Variants in PCDHA4 observed in about 807,000 individuals in gnomAD.
PCDHA4 encodes the protein protocadherin alpha 4, also known as protocadherin alpha-4.
A neutral mutation model predicts 61.4 loss-of-function variants in PCDHA4; 49 were observed. The observed-to-expected ratio is 0.80, with a 90% confidence interval of 0.63 to 1.01. PCDHA4 has a LOEUF of 1.01. Ranked by LOEUF, PCDHA4 falls within the 50% of genes least tolerant of loss-of-function variation. The pLI, the probability that PCDHA4 is intolerant of heterozygous loss-of-function variation, is 0.00. For synonymous variants in PCDHA4, 590 were observed against 550.3 expected, an observed-to-expected ratio of 1.07 and a Z score of -1.01; for missense variants, 1,254 against 1,235.8, an observed-to-expected ratio of 1.01 and a Z score of -0.22.
chr5:140,905,652 T>A (rs1554192111), intron 1 of PCDHA4, among the ~76,000 whole-genome samples: 1 of 152,240 alleles, frequency 6.6e-6, no homozygotes, highest in East Asian at 1.9e-4. Flanking sequence ...CAGTATTGAT[T>A]CCTGTCATCC....
intron 1 of PCDHA4, chr5:140,851,686 TGA>T: frequency 1.1e-6 from 1 of 926,568 alleles, no homozygotes; most frequent in Non-Finnish European, 1.3e-6. Context: ...CTCCATTCAG[TGA>T]TAAAATGATC....
At chr5:140,935,598 G>A (rs540310470) in intron 1 of PCDHA4, among the ~76,000 whole-genome samples, 5 of 152,148 alleles carry the variant, frequency 3.3e-5, no homozygotes, top group Admixed American at 6.5e-5. Context: ...TAGATACAGA[G>A]CTAGGCTTTT....
Position 140,842,781 on chromosome 5 carries a change from A to G in PCDHA4, c.2385+33209A>G. ...GCGCGAGACGCGGACGCGCAGGAGA[A>G]CGCGCTGGTGTCCTACTCGCTTGTG... is the stretch of plus-strand genomic sequence containing the variant. On this transcript the variant is annotated intron_variant, in intron 1 of 3. Transcript: ENST00000530339. The G allele has an allele frequency of 1.3e-6, 2 of 1,594,512 alleles. 1 individual carries two copies. Among genetic ancestry groups the G allele is most frequent in the Non-Finnish European group, 1.7e-6 (2 of 1,165,394 alleles).
intron 1 of PCDHA4, chr5:140,824,468 T>C (rs1768131151): frequency 4.9e-6 from 2 of 410,264 alleles, no homozygotes; most frequent in Admixed American, 8.5e-5. Flanking sequence ...TATTTTATTT[T>C]ATTGTTATTT....
intron 1 of PCDHA4, among the ~76,000 whole-genome samples, chr5:140,891,939 C>G (rs1475126639): frequency 3.3e-5 from 5 of 152,212 alleles, no homozygotes; most frequent in African/African-American, 1.2e-4. Flanking sequence ...TGGACTTCCC[C>G]TAGGCTCCAG....
chr5:141,005,164 G>T (rs782398186), intron 3 of PCDHA4, among the ~76,000 whole-genome samples: 1 of 152,178 alleles, frequency 6.6e-6, no homozygotes, highest in Non-Finnish European at 1.5e-5. Context: ...TAAAGAGTGG[G>T]TACCACTTTC....
chr5:140,928,082 T>G, intron 1 of PCDHA4: 1 of 1,614,212 alleles, frequency 6.2e-7, no homozygotes, highest in Non-Finnish European at 8.5e-7. Context: ...TACTACAGCC[T>G]GCTGATTGAT....
rs2150353014 is a variant in PCDHA4 at position 140,843,115 on chromosome 5, C to T, written c.2385+33543C>T. 5.0e-6 allele frequency: 8 copies of T among 1,595,710 alleles called. 2 individuals carry two copies. Among genetic ancestry groups the T allele is most frequent in the African/African-American group, 2.7e-5 (2 of 74,438 alleles). On this transcript the variant is annotated intron_variant, in intron 1 of 3. Transcript: ENST00000530339. ...TGGTAGCGAAGGTGCGCGCAGTGGA[C>T]GCCGACTCGGGCTACAACGCGTGGC...
chr5:140,907,360 T>C (rs1241355980), intron 1 of PCDHA4, among the ~76,000 whole-genome samples: 1 of 152,186 alleles, frequency 6.6e-6, no homozygotes, highest in Admixed American at 6.5e-5. Flanking sequence ...TGCACTTCTT[T>C]AGTCGTAAAG....
intron 1 of PCDHA4, chr5:140,835,666 G>C: frequency 6.2e-7 from 1 of 1,613,936 alleles, no homozygotes; most frequent in South Asian, 1.1e-5. Context: ...GTTACCGCGC[G>C]GGACGGGGGC....
intron 1 of PCDHA4, among the ~76,000 whole-genome samples, chr5:140,887,610 A>G (rs544288452): frequency 3.2e-4 from 49 of 151,656 alleles, no homozygotes; most frequent in Admixed American, 2.7e-3. Context: ...GTGCTTTAGT[A>G]TGGTTTTCTT....
intron 1 of PCDHA4, chr5:140,835,572 T>C (rs782594410): frequency 7.4e-6 from 12 of 1,613,768 alleles, no homozygotes; most frequent in South Asian, 2.2e-5. Flanking sequence ...TCCCTTCAAG[T>C]TGGTGTCCAC....
chr5:140,932,125 A>G (rs1272736604), intron 1 of PCDHA4, among the ~76,000 whole-genome samples: 1 of 151,932 alleles, frequency 6.6e-6, no homozygotes, highest in African/African-American at 2.4e-5. Context: ...ATAATATTTA[A>G]GATATAAACA....
At chr5:140,928,855 C>T (rs781997277) in intron 1 of PCDHA4, 1 of 1,614,184 alleles carries the variant, frequency 6.2e-7, no homozygotes, top group Non-Finnish European at 8.5e-7. Context: ...TCTGGGTGTG[C>T]TGTTGAGCAA....
intron 1 of PCDHA4, chr5:140,834,288 A>G: frequency 3.4e-6 from 4 of 1,183,556 alleles, no homozygotes; most frequent in Non-Finnish European, 3.6e-6. Flanking sequence ...ATGCACAACA[A>G]TGGCCACACA....
chr5:140,821,664 A>G, intron 1 of PCDHA4: 1 of 1,232,770 alleles, frequency 8.1e-7, no homozygotes, highest in East Asian at 2.5e-5. Context: ...GGCTGTGCCA[A>G]GAAGCTCAGA....
At chr5:140,933,773 A>G (rs2089413998) in intron 1 of PCDHA4, among the ~76,000 whole-genome samples, 1 of 152,040 alleles carries the variant, frequency 6.6e-6, no homozygotes, top group South Asian at 2.1e-4. Context: ...CTGTACCTAC[A>G]GTTTTCTTTG....
At chr5:140,923,752 G>A (rs1004241488) in intron 1 of PCDHA4, among the ~76,000 whole-genome samples, 1 of 152,186 alleles carries the variant, frequency 6.6e-6, no homozygotes, top group Non-Finnish European at 1.5e-5. Context: ...GAGGCATATG[G>A]TGGGACAAAT....
chr5:140,983,504 G>A (rs2097054493), intron 3 of PCDHA4, among the ~76,000 whole-genome samples: 1 of 152,160 alleles, frequency 6.6e-6, no homozygotes, highest in Non-Finnish European at 1.5e-5. Flanking sequence ...GCCATAATAT[G>A]CCTAGACACT....
Sources: allele counts gnomAD v4.1 joint callset (sites outside exome capture counted in the v4.1 genomes callset), GRCh38; gene constraint gnomAD v4.1.1; transcripts MANE v1.5; gene names NCBI Gene and HGNC (gene_info 2026-07-23, HGNC 2026-07-21).